Variants in BORCS5 observed in about 807,000 individuals in gnomAD.
BORCS5 encodes the protein BLOC-1 related complex subunit 5.
A neutral mutation model predicts 22.1 loss-of-function variants in BORCS5; 17 were observed. That is an observed-to-expected ratio of 0.77 (90% confidence interval 0.53 to 1.15). BORCS5 has a LOEUF of 1.15. BORCS5 is among the 50% of genes most tolerant of loss of function. BORCS5 has a pLI of 0.00. For missense variants in BORCS5, 247 were observed against 253.2 expected (o/e 0.98, Z 0.17); for synonymous variants, 117 against 99.8 (o/e 1.17, Z -1.03).
In BORCS5 at chr12:12,457,710, T is replaced by A. The variant is rs1843178545; in HGVS notation, c.361-7836T>A. Among the ~76,000 whole-genome samples the A allele has an allele frequency of 2.6e-5, 4 of 152,242 alleles. No individual in the cohort carries two copies. The South Asian group carries it at 6.2e-4, about 24-fold the overall frequency. ...GAGCTCAGGAATGATTTCAGATGTC[T>A]AAACAGGTCATTTGCAGGGTCTGGG... On this transcript the variant is annotated intron_variant, in intron 3 of 3. Transcript: ENST00000314565.
chr12:12,455,634 C>G (rs1382457661), intron 3 of BORCS5, among the ~76,000 whole-genome samples: 1 of 152,090 alleles, frequency 6.6e-6, no homozygotes, highest in Admixed American at 6.5e-5. Flanking sequence ...TAAAAATTAG[C>G]CAGGCGTGGT....
intron 2 of BORCS5, among the ~76,000 whole-genome samples, chr12:12,428,057 A>G (rs2136114596): frequency 6.6e-6 from 1 of 152,336 alleles, no homozygotes; most frequent in East Asian, 1.9e-4. Flanking sequence ...TGTCAAAGTT[A>G]TATTTAATTT....
chr12:12,410,855 A>G (rs886888157), intron 2 of BORCS5, among the ~76,000 whole-genome samples: 11 of 152,198 alleles, frequency 7.2e-5, no homozygotes, highest in Non-Finnish European at 1.6e-4. Context: ...CTTCCTACCC[A>G]TGAGCATGGA....
chr12:12,425,868 G>C (rs1942274118), intron 2 of BORCS5, among the ~76,000 whole-genome samples: 1 of 149,402 alleles, frequency 6.7e-6, no homozygotes, highest in Non-Finnish European at 1.5e-5. Flanking sequence ...CATACAGCCA[G>C]CTTTTGAAAG....
At position 12,467,956 on chromosome 12, in the gene BORCS5, C is replaced by T. The variant is rs888593176; in HGVS notation, c.*2180C>T. ...AACTCTGCCTTTGGCTTTTCCAGAC[C>T]CTGGGCCGGGTATGAGAACCAGCTT... On this transcript the variant is annotated 3_prime_UTR_variant, in exon 4 of 4. Transcript: ENST00000314565. 2 of 152,282 alleles carry T rather than the reference C, an allele frequency of 1.3e-5. No homozygotes were observed. The highest frequency in any genetic ancestry group is 2.4e-5 in the African/African-American group (1 of 41,452). The allele number at this position is 152,282 out of a possible 1,614,324, so 9.4% of individuals were successfully genotyped here. A position where few individuals can be genotyped will look rare whatever the true frequency, so the allele number is the denominator to read the frequency against.
chr12:12,403,775 T>C (rs1457566164), intron 2 of BORCS5, among the ~76,000 whole-genome samples: 1 of 152,184 alleles, frequency 6.6e-6, no homozygotes, highest in African/African-American at 2.4e-5. Flanking sequence ...TCAGATATGT[T>C]ATCTCTGAAT....
At chr12:12,462,592 C>G (rs1018442346) in intron 3 of BORCS5, among the ~76,000 whole-genome samples, 1 of 152,178 alleles carries the variant, frequency 6.6e-6, no homozygotes. Context: ...TCACAAACAG[C>G]TTCGTGGTTG....
chr12:12,410,597 G>A (rs1042270596), intron 2 of BORCS5, among the ~76,000 whole-genome samples: 2 of 151,950 alleles, frequency 1.3e-5, no homozygotes, highest in African/African-American at 4.8e-5. Context: ...TCTCTGTTTT[G>A]GTACCAGTAC....
At chr12:12,370,311 T>G (rs1018795705) in intron 2 of BORCS5, among the ~76,000 whole-genome samples, 2 of 152,180 alleles carry the variant, frequency 1.3e-5, no homozygotes, top group Non-Finnish European at 2.9e-5. Context: ...TATCTTGCAG[T>G]ACAGGTCAGC....
intron 2 of BORCS5, among the ~76,000 whole-genome samples, chr12:12,377,299 C>T (rs1288745424): frequency 6.6e-6 from 1 of 151,998 alleles, no homozygotes; most frequent in Non-Finnish European, 1.5e-5. Context: ...CTGCCTCGGC[C>T]TCCCGAGTAG....
At chr12:12,372,039 TATTTTA>T (rs1443009212) in intron 2 of BORCS5, among the ~76,000 whole-genome samples, 1 of 152,232 alleles carries the variant, frequency 6.6e-6, no homozygotes, top group East Asian at 1.9e-4. Context: ...ACTTCAATTT[TATTTTA>T]ATTTTATTTT....
intron 2 of BORCS5, among the ~76,000 whole-genome samples, chr12:12,405,455 C>G (rs1941575873): frequency 6.6e-6 from 1 of 152,120 alleles, no homozygotes; most frequent in Non-Finnish European, 1.5e-5. Flanking sequence ...ATTATTCTTT[C>G]TGTTAGTTCT....
chr12:12,405,400 A>C (rs115450384), intron 2 of BORCS5, among the ~76,000 whole-genome samples: 2,477 of 152,302 alleles, frequency 0.016, 67 homozygotes, highest in African/African-American at 0.057. Context: ...TATCTCCCTC[A>C]AGGTGCAGTA....
chr12:12,379,117 CTTTT>C (rs1036233741), intron 2 of BORCS5, among the ~76,000 whole-genome samples: 21 of 143,116 alleles, frequency 1.5e-4, no homozygotes, highest in African/African-American at 4.4e-4. Context: ...TTTCTTTTCT[CTTTT>C]TTTTTTTTCT....
chr12:12,404,129 G>C (rs552926256), intron 2 of BORCS5, among the ~76,000 whole-genome samples: 18 of 152,290 alleles, frequency 1.2e-4, no homozygotes, highest in Non-Finnish European at 2.6e-4. Context: ...TATTTGGAGA[G>C]ATGTGAACAG....
chr12:12,425,842 G>GT (rs1329182972), intron 2 of BORCS5, among the ~76,000 whole-genome samples: 2,050 of 152,244 alleles, frequency 0.013, 37 homozygotes, highest in African/African-American at 0.046. Flanking sequence ...CACTTATAGT[G>GT]GTAGGATAGG....
intron 1 of BORCS5, among the ~76,000 whole-genome samples, chr12:12,359,342 G>C (rs1863222078): frequency 6.6e-6 from 1 of 151,564 alleles, no homozygotes; most frequent in Non-Finnish European, 1.5e-5. Context: ...ATCCAGCCTG[G>C]GCGATGTAGT....
intron 2 of BORCS5, among the ~76,000 whole-genome samples, chr12:12,398,502 T>C (rs1941400049): frequency 1.3e-5 from 2 of 152,136 alleles, no homozygotes; most frequent in Non-Finnish European, 2.9e-5. Context: ...TACCATGTCC[T>C]CCCCCACACC....
rs987382533 is a variant in BORCS5, at chr12:12,468,988, C to T, written c.*3212C>T. Reference sequence around the variant, plus strand: ...TGAACCTAGATACCTACCCAGTATTCTCTGCACAGAGTAAACATTTCATTA... The same window carrying T: ...TGAACCTAGATACCTACCCAGTATTTTCTGCACAGAGTAAACATTTCATTA... On this transcript the variant is annotated 3_prime_UTR_variant, in exon 4 of 4. Transcript: ENST00000314565. 4.6e-5 allele frequency: 7 copies of T among 152,180 alleles called. No individual in the cohort carries two copies. Among genetic ancestry groups the T allele is most frequent in the African/African-American group, 1.7e-4 (7 of 41,438 alleles). 9.4% of individuals were successfully genotyped at this position (152,180 alleles called of 1,614,324 possible).
Sources: allele counts gnomAD v4.1 joint callset (sites outside exome capture counted in the v4.1 genomes callset), GRCh38; gene constraint gnomAD v4.1.1; transcripts MANE v1.5; gene names NCBI Gene and HGNC (gene_info 2026-07-23, HGNC 2026-07-21).